GALNT16: variants seen among roughly 807,000 people sequenced by gnomAD.
GALNT16 encodes polypeptide N-acetylgalactosaminyltransferase 16.
In GALNT16, 40 loss-of-function variants were observed where a neutral mutation model predicts 76.1. The observed-to-expected ratio is 0.53, with a 90% confidence interval of 0.41 to 0.68. GALNT16 has a LOEUF of 0.68. GALNT16 is among the 30% of genes least tolerant of loss of function. The pLI is 0.00. For synonymous variants in GALNT16, 276 were observed against 285.2 expected (o/e 0.97, Z 0.32); for missense variants, 621 against 731.9 (o/e 0.85, Z 1.75).
intron 9 of GALNT16, among the ~76,000 whole-genome samples, chr14:69,337,414 G>A (rs2045428330): frequency 6.6e-6 from 1 of 152,188 alleles, no homozygotes; most frequent in Non-Finnish European, 1.5e-5. Flanking sequence ...CTATTGTTAT[G>A]GCCATTGTTG....
intron 6 of GALNT16, among the ~76,000 whole-genome samples, chr14:69,328,888 G>A (rs916522286): frequency 1.3e-5 from 2 of 152,146 alleles, no homozygotes; most frequent in African/African-American, 4.8e-5. Flanking sequence ...CTTTTGTTCG[G>A]GCTGGGAAGC....
At chr14:69,363,333 G>T in the GALNT16 span, among the ~76,000 whole-genome samples, 1 of 152,168 alleles carries the variant, frequency 6.6e-6, no homozygotes, top group African/African-American at 2.4e-5. Context: ...CTGTCGGAAG[G>T]CCCCTTCCCA....
At chr14:69,334,973 C>T (rs1477797949) in intron 9 of GALNT16, among the ~76,000 whole-genome samples, 3 of 152,080 alleles carry the variant, frequency 2.0e-5, no homozygotes, top group African/African-American at 7.2e-5. Context: ...TCTTCCTGAC[C>T]AGGTGTTCTG....
At chr14:69,359,539 C>T (rs1486218013), downstream of GALNT16, among the ~76,000 whole-genome samples, 1 of 152,002 alleles carries the variant, frequency 6.6e-6, no homozygotes, top group African/African-American at 2.4e-5. Context: ...TCTGGGTACC[C>T]AGAATCTTAG....
chr14:69,325,598 T>C (rs2045271610), intron 4 of GALNT16, among the ~76,000 whole-genome samples, 194 bp downstream of exon 4: 1 of 152,132 alleles, frequency 6.6e-6, no homozygotes, highest in African/African-American at 2.4e-5. Flanking sequence ...GAAGGGTGGG[T>C]GTTGCTTTGG....
intron 6 of GALNT16, among the ~76,000 whole-genome samples, chr14:69,330,206 A>G (rs775577017): frequency 6.6e-6 from 1 of 152,246 alleles, no homozygotes; most frequent in Non-Finnish European, 1.5e-5. Context: ...ATGGGTAAAT[A>G]AAATGTGGTG....
At chr14:69,381,574 T>C in the GALNT16 span, among the ~76,000 whole-genome samples, 1 of 152,112 alleles carries the variant, frequency 6.6e-6, no homozygotes, top group African/African-American at 2.4e-5. Context: ...GTGAGTAGTA[T>C]CTAGTAAGAT....
the GALNT16 span, among the ~76,000 whole-genome samples, chr14:69,371,023 G>A: frequency 6.6e-6 from 1 of 152,168 alleles, no homozygotes; most frequent in South Asian, 2.1e-4. Flanking sequence ...GTTTTTATCA[G>A]ATCTTTTGGC....
chr14:69,318,969 TC>T (rs1451910757), intron 1 of GALNT16, among the ~76,000 whole-genome samples: 1 of 152,210 alleles, frequency 6.6e-6, no homozygotes, highest in African/African-American at 2.4e-5. Flanking sequence ...CCTCCTTCCT[TC>T]CTTCCATCTT....
At chr14:69,330,464 A>C (rs920110152) in intron 6 of GALNT16, among the ~76,000 whole-genome samples, 1 of 152,250 alleles carries the variant, frequency 6.6e-6, no homozygotes, top group Non-Finnish European at 1.5e-5. Context: ...AATCTTGTGA[A>C]TATACTAAAA....
At chr14:69,310,943 G>C (rs1157013344) in intron 1 of GALNT16, among the ~76,000 whole-genome samples, 1 of 152,162 alleles carries the variant, frequency 6.6e-6, no homozygotes, top group African/African-American at 2.4e-5. Context: ...TAAAAAAATA[G>C]TATTATCCCT....
chr14:69,358,961 C>T (rs2045708589), downstream of GALNT16: 1 of 152,298 alleles, frequency 6.6e-6, no homozygotes, highest in Non-Finnish European at 1.5e-5. Flanking sequence ...CTGCCCCATA[C>T]TTTGTTAACT....
At chr14:69,266,792 G>A (rs757925485) in intron 1 of GALNT16, among the ~76,000 whole-genome samples, 4 of 152,246 alleles carry the variant, frequency 2.6e-5, no homozygotes, top group Non-Finnish European at 5.9e-5. Context: ...GGAAGTAGGC[G>A]GGCCCCATGC....
chr14:69,341,491 G>A (rs896995987), intron 11 of GALNT16, among the ~76,000 whole-genome samples, 190 bp from the exon 12 acceptor site: 4 of 152,244 alleles, frequency 2.6e-5, no homozygotes, highest in African/African-American at 9.6e-5. Context: ...ATAGCCAGGA[G>A]ACCTGCCTTG....
intron 1 of GALNT16, among the ~76,000 whole-genome samples, chr14:69,303,077 C>T (rs2044876809): frequency 6.6e-6 from 1 of 152,172 alleles, no homozygotes; most frequent in South Asian, 2.1e-4. Context: ...TATTTTATAA[C>T]ACCCTAGAAT....
At chr14:69,368,920 C>T in the GALNT16 span, among the ~76,000 whole-genome samples, 1 of 152,230 alleles carries the variant, frequency 6.6e-6, no homozygotes, top group Non-Finnish European at 1.5e-5. Flanking sequence ...CCAGAAATAG[C>T]AGGCATTCCT....
chr14:69,297,046 G>C (rs938020922), intron 1 of GALNT16, among the ~76,000 whole-genome samples: 1 of 152,208 alleles, frequency 6.6e-6, no homozygotes, highest in African/African-American at 2.4e-5. Context: ...GCCACCTACT[G>C]ATGGACATTT....
chr14:69,295,825 T>C (rs1191106204), intron 1 of GALNT16, among the ~76,000 whole-genome samples: 1 of 152,134 alleles, frequency 6.6e-6, no homozygotes, highest in Non-Finnish European at 1.5e-5. Context: ...ATAGGTAATA[T>C]ATTAATCAGG....
intron 1 of GALNT16, among the ~76,000 whole-genome samples, chr14:69,308,558 AGAG>A (rs769018852): frequency 6.6e-6 from 1 of 152,250 alleles, no homozygotes; most frequent in Non-Finnish European, 1.5e-5. Flanking sequence ...GTCTACTGAT[AGAG>A]ATTTATTTCC....
Sources: gnomAD v4.1 joint callset for allele counts (sites outside exome capture counted in the v4.1 genomes callset) on GRCh38, gnomAD v4.1.1 for gene constraint, MANE v1.5 for transcripts, NCBI Gene and HGNC (gene_info 2026-07-23, HGNC 2026-07-21) for gene names.